The following CEP63 variants were observed in gnomAD, a reference collection of about 807,000 sequenced individuals.
CEP63 encodes centrosomal protein of 63 kDa.
Under a neutral mutation model 89.1 loss-of-function variants are expected in CEP63, and 84 were observed. The observed-to-expected ratio is 0.94, with a 90% confidence interval of 0.79 to 1.13. The LOEUF (loss-of-function observed/expected upper bound fraction) is 1.13. CEP63 is among the 50% of genes most tolerant of loss of function. The probability of loss-of-function intolerance (pLI) is 0.00; values close to 1 mark genes in which losing one functional copy is unlikely to be tolerated. For synonymous variants in CEP63, 267 were observed against 272.5 expected (o/e 0.98, Z 0.20); for missense variants, 838 against 813.3 (o/e 1.03, Z -0.37).
the CEP63 span, among the ~76,000 whole-genome samples, chr3:134,773,432 G>T: frequency 1.3e-5 from 2 of 152,162 alleles, no homozygotes; most frequent in African/African-American, 4.8e-5. Context: ...GCATAGAAAT[G>T]AAGTCTATTT....
chr3:134,534,950 T>A (rs762753942), intron 5 of CEP63, among the ~76,000 whole-genome samples: 2 of 152,190 alleles, frequency 1.3e-5, no homozygotes, highest in African/African-American at 2.4e-5. Context: ...TCTGTGCCCA[T>A]GTACCCTGCC....
the CEP63 span, among the ~76,000 whole-genome samples, chr3:134,720,193 T>A: frequency 6.6e-6 from 1 of 152,196 alleles, no homozygotes; most frequent in African/African-American, 2.4e-5. Flanking sequence ...GTGGTTTTGA[T>A]TTGCATTTCT....
chr3:134,664,159 C>T, the CEP63 span, among the ~76,000 whole-genome samples: 3 of 152,198 alleles, frequency 2.0e-5, no homozygotes, highest in Admixed American at 6.5e-5. Flanking sequence ...CTCTTTGCTT[C>T]CCTGTGTCTT....
the CEP63 span, among the ~76,000 whole-genome samples, chr3:134,777,628 T>C: frequency 1.3e-5 from 2 of 148,446 alleles, no homozygotes; most frequent in Non-Finnish European, 1.5e-5. Context: ...TTTTTTTTTT[T>C]TTTTTTTTTA....
chr3:134,607,406 G>A, the CEP63 span: 115 of 985,486 alleles, frequency 1.2e-4, no homozygotes, highest in Non-Finnish European at 1.3e-4. Flanking sequence ...AGCTCCCCAG[G>A]GGCTCTGGGC....
chr3:134,534,831 T>A (rs1950473389), intron 5 of CEP63, among the ~76,000 whole-genome samples: 1 of 152,184 alleles, frequency 6.6e-6, no homozygotes, highest in Non-Finnish European at 1.5e-5. Context: ...TTCAGACTTC[T>A]GCTTTTCTCC....
At chr3:134,620,827 C>A in the CEP63 span, 3 of 1,612,926 alleles carry the variant, frequency 1.9e-6, no homozygotes, top group South Asian at 3.3e-5. Flanking sequence ...AGGTCACTCA[C>A]CAGTTCGTCT....
the CEP63 span, among the ~76,000 whole-genome samples, chr3:134,708,585 A>G: frequency 6.6e-6 from 1 of 152,116 alleles, no homozygotes; most frequent in Non-Finnish European, 1.5e-5. Context: ...TTTTCTCCAT[A>G]TTGTACTTCG....
At chr3:134,747,024 T>C in the CEP63 span, among the ~76,000 whole-genome samples, 8 of 152,226 alleles carry the variant, frequency 5.3e-5, no homozygotes, top group Non-Finnish European at 8.8e-5. Context: ...TGGTATTGCC[T>C]AGGTTTTCTT....
chr3:134,584,810 G>T (rs557043950), intron 10 of CEP63, among the ~76,000 whole-genome samples: 56 of 152,170 alleles, frequency 3.7e-4, no homozygotes, highest in African/African-American at 1.3e-3. Flanking sequence ...TCTGGTCCTG[G>T]ACTTTTTTTG....
downstream of CEP63, among the ~76,000 whole-genome samples, chr3:134,578,538 C>T (rs1958271843): frequency 6.6e-6 from 1 of 152,036 alleles, no homozygotes; most frequent in Admixed American, 6.6e-5. Context: ...CCATGTTGAC[C>T]AGGTTGGTCT....
At chr3:134,654,390 T>C in the CEP63 span, among the ~76,000 whole-genome samples, 1 of 152,218 alleles carries the variant, frequency 6.6e-6, no homozygotes, top group Non-Finnish European at 1.5e-5. Context: ...AGTTTCTCTC[T>C]TCTCTATAGA....
the CEP63 span, among the ~76,000 whole-genome samples, chr3:134,701,310 A>ATG: frequency 0.01 from 193 of 18,570 alleles, 52 homozygotes; most frequent in South Asian, 0.022. Flanking sequence ...ATATACGTAT[A>ATG]TATGTGTATA....
At chr3:134,722,770 C>T in the CEP63 span, among the ~76,000 whole-genome samples, 1 of 152,024 alleles carries the variant, frequency 6.6e-6, no homozygotes, top group Non-Finnish European at 1.5e-5. Flanking sequence ...TGGTTTTAGG[C>T]CCATATATTC....
chr3:134,625,687 G>A, the CEP63 span, among the ~76,000 whole-genome samples: 1 of 152,224 alleles, frequency 6.6e-6, no homozygotes, highest in African/African-American at 2.4e-5. Context: ...AGGTGCGTTT[G>A]GCACCCAGAC....
chr3:134,714,975 C>T, the CEP63 span, among the ~76,000 whole-genome samples: 19 of 152,314 alleles, frequency 1.2e-4, 1 homozygote, highest in South Asian at 3.7e-3. Flanking sequence ...AGGAGGGTGT[C>T]CCAAACCCAG....
intron 11 of CEP63, among the ~76,000 whole-genome samples, chr3:134,574,194 A>G (rs1958132199): frequency 6.6e-6 from 1 of 152,184 alleles, no homozygotes; most frequent in South Asian, 2.1e-4. Flanking sequence ...GTGCTCCAAG[A>G]TAATTGCTCA....
chr3:134,646,290 C>A, the CEP63 span, among the ~76,000 whole-genome samples: 1 of 152,166 alleles, frequency 6.6e-6, no homozygotes, highest in South Asian at 2.1e-4. Flanking sequence ...GCCATTGCAC[C>A]CATGCATGCC....
chr3:134,676,440 C>G, the CEP63 span, among the ~76,000 whole-genome samples: 1 of 152,048 alleles, frequency 6.6e-6, no homozygotes, highest in Non-Finnish European at 1.5e-5. Flanking sequence ...GGAAAAATGG[C>G]GGAGTGACTG....
Sources: allele counts gnomAD v4.1 joint callset (sites outside exome capture counted in the v4.1 genomes callset), GRCh38; gene constraint gnomAD v4.1.1; transcripts MANE v1.5; gene names NCBI Gene and HGNC (gene_info 2026-07-23, HGNC 2026-07-21).